Variants in RNASET2 observed in about 807,000 individuals in gnomAD.
The protein encoded by RNASET2 is ribonuclease T2, also known as ribonuclease 6.
RNASET2 carries 28 observed loss-of-function variants against 33.9 expected under a neutral mutation model. The ratio of observed to expected loss-of-function variants is 0.83; its 90% CI spans 0.61 to 1.13. The LOEUF (loss-of-function observed/expected upper bound fraction) is 1.13. Ranked by LOEUF, RNASET2 falls within the 50% of genes most tolerant of loss-of-function variation. The probability of loss-of-function intolerance (pLI) is 0.00; values close to 1 mark genes in which losing one functional copy is unlikely to be tolerated. For synonymous variants in RNASET2, 123 were observed against 121.0 expected (o/e 1.02, Z -0.11); for missense variants, 330 against 319.9 (o/e 1.03, Z -0.24).
intron 5 of RNASET2, among the ~76,000 whole-genome samples, chr6:166,941,179 A>C (rs1431091681): frequency 6.6e-6 from 1 of 152,220 alleles, no homozygotes; most frequent in African/African-American, 2.4e-5. Context: ...CAGTTTTTTA[A>C]GTGTGTAATT....
chr6:166,942,938 G>T, intron 5 of RNASET2, 81 bp downstream of exon 5: 1 of 1,141,074 alleles, frequency 8.8e-7, no homozygotes, highest in Non-Finnish European at 1.3e-6. Flanking sequence ...TTCCCACACA[G>T]TTTCCACTTC....
At chr6:166,945,035 C>G (rs1013835639) in intron 4 of RNASET2, 3 of 139,750 alleles carry the variant, frequency 2.1e-5, no homozygotes, top group African/African-American at 8.6e-5. Flanking sequence ...CTGCCCTCAC[C>G]CACCCACGTC....
In RNASET2 at chr6:166,925,277, G is replaced by A. The variant is rs1778288245; in HGVS notation, c.*4311C>T. 6.7e-6 allele frequency among the ~76,000 whole-genome samples: 1 copy of A among 148,858 alleles called. No individual in the cohort carries two copies. The highest frequency in any genetic ancestry group is 1.5e-5 in the Non-Finnish European group (1 of 67,430). ...CGCAGTCCATGTCTCCGCTGCCCAG[G>A]CCTCATCTATGCCACTTAGCCCTCA... On this transcript the variant is annotated 3_prime_UTR_variant, in exon 9 of 9. Transcript: ENST00000508775.
At chr6:166,939,191 G>T (rs530359126) in intron 5 of RNASET2, among the ~76,000 whole-genome samples, 183 bp from the exon 6 acceptor site, 1 of 152,248 alleles carries the variant, frequency 6.6e-6, no homozygotes, top group East Asian at 1.9e-4. Context: ...AAAATTAGCC[G>T]AGTGTGGTGG....
At position 166,933,556 on chromosome 6, in the gene RNASET2, G is replaced by A; in HGVS notation, c.492+535C>T. The A allele has an allele frequency of 5.9e-6, 1 of 169,504 alleles. No homozygotes were observed. The highest frequency in any genetic ancestry group is 1.3e-5 in the Non-Finnish European group (1 of 79,210). The allele number at this position is 169,504 out of a possible 1,614,324, so 10.5% of individuals were successfully genotyped here. On this transcript the variant is annotated intron_variant, in intron 7 of 8. Transcript: ENST00000508775. This position sits in a 1 kb window ranked among gnomAD's most constrained non-coding sequence, Gnocchi z 4.1. ...TTCTTTCTAGAGGTCTCACTCTGCTGCCCAGGCTGGTCTCGAAATTCTAGC... is the reference window on the plus strand; with the variant it reads ...TTCTTTCTAGAGGTCTCACTCTGCTACCCAGGCTGGTCTCGAAATTCTAGC...
At chr6:166,945,843 A>G (rs7381534) in intron 4 of RNASET2, among the ~76,000 whole-genome samples, 20 of 146,312 alleles carry the variant, frequency 1.4e-4, no homozygotes, top group East Asian at 5.9e-4. Flanking sequence ...AAAAAAAAAA[A>G]AAAAGAAAAG....
At chr6:166,939,199 T>C (rs1295207313) in intron 5 of RNASET2, among the ~76,000 whole-genome samples, 191 bp from the exon 6 acceptor site, 1 of 152,136 alleles carries the variant, frequency 6.6e-6, no homozygotes, top group Non-Finnish European at 1.5e-5. Flanking sequence ...CCGAGTGTGG[T>C]GGCAGGTGCC....
intron 8 of RNASET2, among the ~76,000 whole-genome samples, chr6:166,930,332 ATGTGCAGGCCTG>A (rs778960833): frequency 6.6e-6 from 1 of 150,896 alleles, no homozygotes; most frequent in Non-Finnish European, 1.5e-5. Context: ...ACATACACAG[ATGTGCAGGCCTG>A]TGCACACATG....
rs1224852048 is a variant in RNASET2 at position 166,956,166 on chromosome 6, A to G, written c.17T>C (p.Leu6Pro). Residue 6 changes from leucine (L) to proline (P), a missense_variant, in exon 1 of 9, where the codon CTG becomes CCG. By Grantham distance (98) the Leu-to-Pro change is moderately conservative. Coordinates refer to ENST00000508775, the MANE Select transcript of RNASET2 (RefSeq NM_003730.6). ...GAGGCAGCCCAGCAGGGCCCCGCGCAGGGCTGCAGGGCGCATGGTGCCGAC... is the reference window on the plus strand; with the variant it reads ...GAGGCAGCCCAGCAGGGCCCCGCGCGGGGCTGCAGGGCGCATGGTGCCGAC... MRPAA[L>P]RGALLGCLCL... is the part of the protein sequence containing the mutation. 6 of 1,547,552 alleles carry G rather than the reference A, an allele frequency of 3.9e-6. No individual in the cohort carries two copies. Among genetic ancestry groups the G allele is most frequent in the Middle Eastern group, 1.9e-4 (1 of 5,194 alleles).
chr6:166,942,809 C>T (rs1186189933), intron 5 of RNASET2, among the ~76,000 whole-genome samples: 1 of 152,114 alleles, frequency 6.6e-6, no homozygotes, highest in Non-Finnish European at 1.5e-5. Flanking sequence ...TGGTAAATTC[C>T]ACTTGCTTTC....
chr6:166,935,821 G>A (rs1470626125), intron 6 of RNASET2, among the ~76,000 whole-genome samples: 1 of 152,062 alleles, frequency 6.6e-6, no homozygotes, highest in African/African-American at 2.4e-5. Flanking sequence ...AGGATTACGT[G>A]CACCACCATG....
Position 166,929,174 on chromosome 6 carries a change from C to T in RNASET2, c.*414G>A, listed in dbSNP as rs191479201. ...ACCCCCCAGGCCCACCAGGCATCAGCGTGGGCTCCTGCCATGCGTGGAGCT... is the reference window on the plus strand; with the variant it reads ...ACCCCCCAGGCCCACCAGGCATCAGTGTGGGCTCCTGCCATGCGTGGAGCT... On this transcript the variant is annotated 3_prime_UTR_variant, in exon 9 of 9. Transcript: ENST00000508775. Among the ~76,000 whole-genome samples, 41 of 152,330 alleles carry T rather than the reference C, an allele frequency of 2.7e-4. No individual in the cohort carries two copies. In the East Asian group the frequency reaches 7.7e-3, roughly 29 times the overall value.
At chr6:166,944,230 G>A (rs751266946) in intron 4 of RNASET2, among the ~76,000 whole-genome samples, 13 of 152,066 alleles carry the variant, frequency 8.5e-5, no homozygotes, top group Non-Finnish European at 1.5e-4. Context: ...CACCAGTCGC[G>A]CTAAATCCAA....
rs1236533147 is a variant in RNASET2, at chr6:166,934,153, A to T, written c.447-17T>A. On this transcript the variant is annotated splice_polypyrimidine_tract_variant and intron_variant, in intron 6 of 8. Transcript: ENST00000508775. ...AGAAGCACACTAAAATTTAAATTTAAAAAAGTTAGCTGTATAATGAAGGTC... is the reference window on the plus strand; with the variant it reads ...AGAAGCACACTAAAATTTAAATTTATAAAAGTTAGCTGTATAATGAAGGTC... The T allele has an allele frequency of 3.9e-6, 6 of 1,538,550 alleles. No individual in the cohort carries two copies. In the African/African-American group the frequency reaches 8.2e-5, roughly 21 times the overall value.
chr6:166,939,061 C>CAG, intron 5 of RNASET2, 53 bp from the exon 6 acceptor site: 1 of 1,319,558 alleles, frequency 7.6e-7, no homozygotes, highest in Non-Finnish European at 1.1e-6. Flanking sequence ...AGGCTGCGTG[C>CAG]AGTGGCTCAT....
intron 2 of RNASET2, 111 bp from the exon 3 acceptor site, chr6:166,948,736 A>C: frequency 1.3e-6 from 1 of 756,762 alleles, no homozygotes; most frequent in Non-Finnish European, 2.4e-6. Context: ...CCAACGAGAT[A>C]CAGGTACTGC....
At chr6:166,955,223 GCACACACGCACGCA>G (rs1779090610) in intron 1 of RNASET2, among the ~76,000 whole-genome samples, 1 of 38,776 alleles carries the variant, frequency 2.6e-5, no homozygotes, top group East Asian at 1.6e-3. Flanking sequence ...GCACACACGC[GCACACACGCACGCA>G]CGCACACACA....
At position 166,925,104 on chromosome 6, in the gene RNASET2, CG is replaced by C. The variant is rs1468098209; in HGVS notation, c.*4483del. Among the ~76,000 whole-genome samples the C allele has an allele frequency of 6.7e-6, 1 of 148,564 alleles. No individual in the cohort carries two copies. Among genetic ancestry groups the C allele is most frequent in the East Asian group, 2.0e-4 (1 of 5,074 alleles). Reference sequence around the variant, plus strand: ...TTCTCCCTGCCGTCTAGCCCAAAACCGGAACAGCACAGCCCTCACCTCTGCT... The same window carrying C: ...TTCTCCCTGCCGTCTAGCCCAAAACCGAACAGCACAGCCCTCACCTCTGCT... On this transcript the variant is annotated 3_prime_UTR_variant, in exon 9 of 9. Coordinates refer to ENST00000508775, the MANE Select transcript of RNASET2 (RefSeq NM_003730.6).
intron 1 of RNASET2, among the ~76,000 whole-genome samples, chr6:166,953,879 C>CAAAA (rs548523987): frequency 1.8e-5 from 2 of 110,734 alleles, no homozygotes; most frequent in East Asian, 2.8e-4. Context: ...GACCCTGTCT[C>CAAAA]AAAAAAAAAA....
Sources: allele counts gnomAD v4.1 joint callset (sites outside exome capture counted in the v4.1 genomes callset), GRCh38; gene constraint gnomAD v4.1.1; non-coding constraint Gnocchi (gnomAD v3.1); transcripts MANE v1.5; gene names NCBI Gene and HGNC (gene_info 2026-07-23, HGNC 2026-07-21).